NEGR1: variants seen among roughly 807,000 people sequenced by gnomAD.
NEGR1 encodes IgLON family member 4.
A neutral mutation model predicts 40.9 loss-of-function variants in NEGR1; 10 were observed. The observed-to-expected ratio is 0.24, with a 90% CI of 0.15 to 0.42. The LOEUF (loss-of-function observed/expected upper bound fraction) is 0.42, where lower values mean the gene tolerates loss of function less well. Among genes scored for constraint, NEGR1 ranks in the 10% least tolerant of loss-of-function variants. NEGR1 has a pLI of 1.00. For missense variants in NEGR1, 352 were observed against 438.9 expected (o/e 0.80, Z 1.77); for synonymous variants, 185 against 166.8 (o/e 1.11, Z -0.84).
chr1:71,829,778 T>C (rs1658774053), intron 2 of NEGR1, among the ~76,000 whole-genome samples: 1 of 152,028 alleles, frequency 6.6e-6, no homozygotes, highest in Non-Finnish European at 1.5e-5. Context: ...CAGCATACTC[T>C]TATGGTCCAC....
Position 71,586,292 on chromosome 1 carries a change from G to T in NEGR1, c.940+6525C>A, listed in dbSNP as rs188631661. Among the ~76,000 whole-genome samples the T allele has an allele frequency of 5.5e-4, 83 of 152,208 alleles. 1 individual carries two copies. In the East Asian group the frequency reaches 0.01, roughly 19 times the overall value. ...AAAGTGAAAAAACTGGTTTAGACAAGAAGTTTTCAAAACAAATTATTTGGA... is the reference window on the plus strand; with the variant it reads ...AAAGTGAAAAAACTGGTTTAGACAATAAGTTTTCAAAACAAATTATTTGGA... On this transcript the variant is annotated intron_variant, in intron 6 of 6. Transcript: ENST00000357731.
rs1018967574 is a variant in NEGR1 at position 71,848,869 on chromosome 1, C to T, written c.410-72572G>A. Among the ~76,000 whole-genome samples, 10 of 152,146 alleles carry T rather than the reference C, an allele frequency of 6.6e-5. No homozygotes were observed. The East Asian group carries it at 9.7e-4, about 15-fold the overall frequency. ...TTGGGAGGCCGAGGCGGGTGGATCA[C>T]GTGGTTAGTTAGGAGTTTGAGACCA... is the stretch of plus-strand genomic sequence containing the variant. On this transcript the variant is annotated intron_variant, in intron 2 of 6. Coordinates refer to ENST00000357731, the MANE Select transcript of NEGR1 (RefSeq NM_173808.3).
intron 2 of NEGR1, among the ~76,000 whole-genome samples, chr1:71,867,185 T>C (rs1021234766): frequency 6.6e-6 from 1 of 152,012 alleles, no homozygotes; most frequent in Non-Finnish European, 1.5e-5. Context: ...ACCAGCCTGG[T>C]CAACATGGTG....
At chr1:72,085,414 T>C (rs890846273) in intron 1 of NEGR1, among the ~76,000 whole-genome samples, 2 of 152,212 alleles carry the variant, frequency 1.3e-5, no homozygotes, top group African/African-American at 2.4e-5. Flanking sequence ...TAGCCAATTA[T>C]TGAGTCTGCT....
At chr1:71,532,377 T>C (rs1387410175) in intron 6 of NEGR1, among the ~76,000 whole-genome samples, 1 of 151,580 alleles carries the variant, frequency 6.6e-6, no homozygotes, top group Non-Finnish European at 1.5e-5. Flanking sequence ...TCTAACTTGA[T>C]AGTTTCAAGA....
intron 1 of NEGR1, among the ~76,000 whole-genome samples, chr1:72,272,320 A>G (rs1655872374): frequency 6.6e-6 from 1 of 151,818 alleles, no homozygotes; most frequent in Non-Finnish European, 1.5e-5. Context: ...ATAACCTACC[A>G]AGCACTAACT....
intron 1 of NEGR1, among the ~76,000 whole-genome samples, chr1:72,155,467 A>G (rs1056696394): frequency 2.6e-5 from 4 of 151,990 alleles, no homozygotes; most frequent in Admixed American, 6.6e-5. Flanking sequence ...ATCTCTTTAT[A>G]CCTAGTAATT....
intron 2 of NEGR1, among the ~76,000 whole-genome samples, chr1:71,895,216 C>A (rs779133920): frequency 3.3e-5 from 5 of 152,090 alleles, no homozygotes; most frequent in Non-Finnish European, 5.9e-5. Context: ...ATCATCTAAC[C>A]TTAGTGAGTG....
At chr1:71,927,281 A>G (rs1307023127) in intron 2 of NEGR1, among the ~76,000 whole-genome samples, 1 of 152,212 alleles carries the variant, frequency 6.6e-6, no homozygotes, top group Non-Finnish European at 1.5e-5. Flanking sequence ...ATTGTTATGC[A>G]AGATTTCCTT....
intron 3 of NEGR1, among the ~76,000 whole-genome samples, chr1:71,731,808 A>G (rs1455929504): frequency 1.3e-5 from 2 of 152,176 alleles, no homozygotes; most frequent in African/African-American, 4.8e-5. Context: ...CTGATATAAA[A>G]CTGTCAAGAT....
intron 1 of NEGR1, among the ~76,000 whole-genome samples, chr1:72,140,046 T>C (rs537272464): frequency 6.6e-6 from 1 of 152,058 alleles, no homozygotes; most frequent in Admixed American, 6.6e-5. Flanking sequence ...CATAAAAGAT[T>C]AAATGGTCAG....
At chr1:71,701,787 G>T (rs1049959610) in intron 3 of NEGR1, among the ~76,000 whole-genome samples, 1 of 152,028 alleles carries the variant, frequency 6.6e-6, no homozygotes, top group African/African-American at 2.4e-5. Context: ...GGTAAAGAAA[G>T]ACACGTGGTA....
chr1:71,442,279 C>A (rs1646553085), intron 6 of NEGR1, among the ~76,000 whole-genome samples: 1 of 108,132 alleles, frequency 9.2e-6, no homozygotes, highest in Non-Finnish European at 1.8e-5. Context: ...TCTTCTTTAT[C>A]ATCAATGAAC....
chr1:71,618,417 G>T (rs1369523018), intron 4 of NEGR1, among the ~76,000 whole-genome samples: 1 of 152,096 alleles, frequency 6.6e-6, no homozygotes, highest in Non-Finnish European at 1.5e-5. Context: ...ATCCTGGGTT[G>T]CCACAAAGGA....
At chr1:72,163,500 A>T (rs575954743) in intron 1 of NEGR1, among the ~76,000 whole-genome samples, 1 of 152,274 alleles carries the variant, frequency 6.6e-6, no homozygotes, top group African/African-American at 2.4e-5. Flanking sequence ...AAATCTGAAG[A>T]ACAAGTAAAG....
At chr1:71,623,337 AC>A (rs796728958) in intron 4 of NEGR1, among the ~76,000 whole-genome samples, 2 of 150,554 alleles carry the variant, frequency 1.3e-5, no homozygotes, top group Non-Finnish European at 3.0e-5. Flanking sequence ...AACCACTTTC[AC>A]CCCCCCGCCA....
chr1:71,935,021 A>T, intron 2 of NEGR1, 58 bp downstream of exon 2: 1 of 986,774 alleles, frequency 1.0e-6, no homozygotes, highest in Non-Finnish European at 1.6e-6. Context: ...TTGATACCTA[A>T]ATATTAAATA....
intron 1 of NEGR1, among the ~76,000 whole-genome samples, chr1:72,252,166 G>A (rs1655123127): frequency 7.9e-6 from 1 of 126,596 alleles, no homozygotes; most frequent in African/African-American, 5.6e-5. Context: ...AGTGCAATGG[G>A]GCGATGTAGC....
intron 1 of NEGR1, among the ~76,000 whole-genome samples, chr1:72,029,236 T>C (rs561218360): frequency 6.6e-6 from 1 of 152,180 alleles, no homozygotes; most frequent in East Asian, 1.9e-4. Context: ...ATCCTGCACT[T>C]TGTGAGGCTA....
Sources: allele counts gnomAD v4.1 joint callset (sites outside exome capture counted in the v4.1 genomes callset), GRCh38; gene constraint gnomAD v4.1.1; transcripts MANE v1.5; gene names NCBI Gene and HGNC (gene_info 2026-07-23, HGNC 2026-07-21).